Variants in PNCK observed in about 807,000 individuals in gnomAD.
The protein encoded by PNCK is calcium/calmodulin-dependent protein kinase type 1B.
Under a neutral mutation model 28.3 loss-of-function variants are expected in PNCK, and 21 were observed. That is an observed-to-expected ratio of 0.74 (90% CI 0.53 to 1.07). PNCK has a LOEUF of 1.07. PNCK is among the 50% of genes least tolerant of loss of function. The pLI, the probability that PNCK is intolerant of heterozygous loss-of-function variation, is 0.00. For synonymous variants in PNCK, 136 were observed against 125.2 expected (o/e 1.09, Z -0.58); for missense variants, 250 against 298.3 (o/e 0.84, Z 1.19).
At chrX:153,678,021 A>G (rs1278894423), upstream of PNCK, among the ~76,000 whole-genome samples, 3 of 105,017 alleles carry the variant, frequency 2.9e-5, no homozygotes, top group Non-Finnish European at 5.9e-5. Context: ...CATAACATCT[A>G]TAAACAGATA....
Position 153,672,158 on chromosome X carries a change from C to T in PNCK, c.243G>A (p.Glu81=). The change falls in exon 4 of 12, where the codon GAG becomes GAA. Residue 81 remains glutamate, a synonymous_variant. Coordinates refer to ENST00000340888, the MANE Select transcript of PNCK (RefSeq NM_001366977.1). ...PNIVALEDVH[E]SPSHLYLAME... ...TGGCCAGGTAGAGGTGGGAAGGGCT[C>T]TCGTGGACATCCTCCAGAGCGACGA... is the stretch of plus-strand genomic sequence containing the variant. 8.3e-7 allele frequency: 1 copy of T among 1,206,578 alleles called. No homozygotes were observed. Among genetic ancestry groups the T allele is most frequent in the Non-Finnish European group, 1.1e-6 (1 of 892,920 alleles).
At chrX:153,674,421 T>G, upstream of PNCK, 3 of 292,367 alleles carry the variant, frequency 1.0e-5, no homozygotes, top group East Asian at 5.3e-5. Context: ...CCTCCACCTC[T>G]TCCCCGGCCA....
At chrX:153,680,261 G>A (rs782591862) in intron 1 of PNCK, among the ~76,000 whole-genome samples, 2 of 106,916 alleles carry the variant, frequency 1.9e-5, no homozygotes, top group Admixed American at 1.0e-4. Context: ...GGGTCATGGC[G>A]GTGGATCCCT....
upstream of PNCK, chrX:153,674,161 G>A (rs782011105): frequency 1.8e-5 from 22 of 1,206,215 alleles, no homozygotes; most frequent in Admixed American, 1.3e-4. Context: ...CCACTTGCCC[G>A]AAAGCAGCCT....
rs1281101901 is a variant in PNCK at position 153,673,068 on chromosome X, C to G, written c.9G>C (p.Leu3=). The part of the protein sequence containing the change: ML[L]LKKHTEDISS... ...TGATGTCCTCCGTGTGTTTCTTCAG[C>G]AGCAGCATGTCTGCAGGGGCAGGGG... The change falls in exon 2 of 12, where the codon CTG becomes CTC. Residue 3 remains leucine, a synonymous_variant. Coordinates refer to ENST00000340888, the MANE Select transcript of PNCK (RefSeq NM_001366977.1). 2.5e-6 allele frequency: 3 copies of G among 1,194,267 alleles called. No individual in the cohort carries two copies. The highest frequency in any genetic ancestry group is 3.4e-6 in the Non-Finnish European group (3 of 885,091).
chrX:153,670,942 C>T lies in PNCK; in HGVS notation c.782G>A (p.Cys261Tyr), dbSNP rs1557039537. ...CCAAAGGTGCCGCAAGGCCTGTTGG[C>T]AGGTGAACCTCTTCTGGGGGTCTCG... ...LERDPQKRFT[C>Y]QQALRHLWIS... Residue 261 changes from cysteine (C) to tyrosine (Y), a missense_variant, in exon 9 of 12, where the codon TGC (cysteine) becomes TAC (tyrosine). Cys to Tyr is a radical substitution (Grantham distance 194, BLOSUM62 -2). Transcript: ENST00000340888. 2 of 1,210,909 alleles carry T rather than the reference C, an allele frequency of 1.7e-6. No individual in the cohort carries two copies. The highest frequency in any genetic ancestry group is 2.2e-6 in the Non-Finnish European group (2 of 895,360).
At chrX:153,679,679 C>G (rs1557042218), upstream of PNCK, among the ~76,000 whole-genome samples, 1 of 101,272 alleles carries the variant, frequency 9.9e-6, no homozygotes, top group African/African-American at 3.7e-5. Context: ...TCAAGCGATT[C>G]TCCTGCCTCA....
upstream of PNCK, among the ~76,000 whole-genome samples, chrX:153,677,923 C>T (rs2091378107): frequency 9.5e-6 from 1 of 105,654 alleles, no homozygotes; most frequent in South Asian, 4.1e-4. Context: ...TATATATATA[C>T]ACTAACCCAT....
intron 1 of PNCK, among the ~76,000 whole-genome samples, chrX:153,684,507 T>A (rs2091408812): frequency 9.3e-6 from 1 of 106,961 alleles, no homozygotes; most frequent in Non-Finnish European, 1.9e-5. Context: ...GTTCTCCGCT[T>A]GGCTGCAGCC....
chrX:153,677,818 A>ATATATAGTG (rs1380011865), upstream of PNCK, among the ~76,000 whole-genome samples: 1 of 105,513 alleles, frequency 9.5e-6, no homozygotes, highest in East Asian at 2.9e-4. Flanking sequence ...GTGTATGTAT[A>ATATATAGTG]TATATAGTGT....
Position 153,686,785 on chromosome X carries a change from C to G in PNCK, c.-3+646G>C, listed in dbSNP as rs782149430. 3 of 112,557 alleles carry G rather than the reference C, an allele frequency of 2.7e-5. No individual in the cohort carries two copies. The East Asian group carries it at 8.4e-4, about 32-fold the overall frequency. 9.3% of individuals were successfully genotyped at this position (112,557 alleles called of 1,213,427 possible). On this transcript the variant is annotated intron_variant, in intron 1 of 3. Coordinates refer to the PNCK transcript ENST00000419804. ...AGGTGACACCGCCTGTCTCCCCCAA[C>G]CACACACACCCCTTGAGGCTCCTCC... is the stretch of plus-strand genomic sequence containing the variant.
chrX:153,683,698 A>G (rs1284749103), intron 1 of PNCK, among the ~76,000 whole-genome samples: 1 of 111,447 alleles, frequency 9.0e-6, no homozygotes, highest in East Asian at 2.8e-4. Flanking sequence ...CCAGCCCGAA[A>G]GCTAGGATTT....
intron 1 of PNCK, among the ~76,000 whole-genome samples, chrX:153,684,113 C>T (rs987512622): frequency 1.8e-5 from 2 of 111,906 alleles, no homozygotes; most frequent in South Asian, 3.8e-4. Flanking sequence ...AAACTATAAA[C>T]GAAATTTCTC....
intron 1 of PNCK, among the ~76,000 whole-genome samples, chrX:153,682,394 C>T (rs59500887): frequency 0.035 from 3,952 of 111,647 alleles, 172 homozygotes; most frequent in African/African-American, 0.12. Context: ...GATCCTCTTG[C>T]CTCAGCCTCC....
chrX:153,670,348 G>A lies in PNCK; in HGVS notation c.*7+102C>T, dbSNP rs1165271793. The A allele has an allele frequency of 8.1e-6, 9 of 1,110,921 alleles. No individual in the cohort carries two copies. In the African/African-American group the frequency reaches 1.6e-4, roughly 20 times the overall value. The allele number at this position is 1,110,921 out of a possible 1,213,427, so 91.6% of individuals were successfully genotyped here. ...CTCTCTGCCTTCAGTCCTCTGGCCT[G>A]TGGGGGCCACCCCACTTAGCTCTTG... On this transcript the variant is annotated intron_variant, in intron 11 of 11. Transcript: ENST00000340888.
rs782170924 is a variant in PNCK, at chrX:153,672,981, AC to A, written c.68+27del. 1.1e-3 allele frequency: 1,248 copies of A among 1,135,644 alleles called. 4 individuals are homozygous for A. The African/African-American group carries it at 0.023, about 21-fold the overall frequency. 93.6% of individuals were successfully genotyped at this position (1,135,644 alleles called of 1,213,427 possible). On this transcript the variant is annotated intron_variant, in intron 2 of 11. Coordinates refer to ENST00000340888, the MANE Select transcript of PNCK (RefSeq NM_001366977.1). ...CACACACACACACACACACACACACACGATCACACACGCGCGCGCACACTCA... is the reference window on the plus strand; with the variant it reads ...CACACACACACACACACACACACACAGATCACACACGCGCGCGCACACTCA...
Position 153,673,801 on chromosome X carries a change from C to T in PNCK, c.-24G>A. On this transcript the variant is annotated 5_prime_UTR_variant, in exon 1 of 12. Coordinates refer to ENST00000340888, the MANE Select transcript of PNCK (RefSeq NM_001366977.1). ...AGACCTGGAGCGGGTGCCGCAGCGT[C>T]GTGCCGCGCAGTGGCCGCAGCGCCA... 6.7e-6 allele frequency: 5 copies of T among 750,689 alleles called. No homozygotes were observed. The highest frequency in any genetic ancestry group is 2.3e-5 in the African/African-American group (1 of 43,495). The allele number at this position is 750,689 out of a possible 1,213,427, so 61.9% of individuals were successfully genotyped here.
At position 153,669,987 on chromosome X, in the gene PNCK, A is replaced by G; in HGVS notation, c.*151T>C. On this transcript the variant is annotated 3_prime_UTR_variant, in exon 12 of 12. Transcript: ENST00000340888. ...CTGGGGACAGACTTGGGGGTGCCCC[A>G]TTCCAACCCCAGCGCCATGCGCCAC... 1 of 310,912 alleles carries G rather than the reference A, an allele frequency of 3.2e-6. No individual in the cohort carries two copies. Among genetic ancestry groups the G allele is most frequent in the Admixed American group, 3.6e-5 (1 of 27,859 alleles). The allele number at this position is 310,912 out of a possible 1,213,427, so 25.6% of individuals were successfully genotyped here. A position where few individuals can be genotyped will look rare whatever the true frequency, so the allele number is the denominator to read the frequency against.
chrX:153,671,687 C>T lies in PNCK; in HGVS notation c.415-15G>A. 8.5e-7 allele frequency: 1 copy of T among 1,179,660 alleles called. No individual in the cohort carries two copies. On this transcript the variant is annotated splice_polypyrimidine_tract_variant and intron_variant, in intron 5 of 11. Coordinates refer to ENST00000340888, the MANE Select transcript of PNCK (RefSeq NM_001366977.1). ...AGGTTTTCGGGCTGTGACACACGGA[C>T]ACCGGGAAAAGGGCCAGTCAGTCCT...
Sources: gnomAD v4.1 joint callset for allele counts (sites outside exome capture counted in the v4.1 genomes callset) on GRCh38, gnomAD v4.1.1 for gene constraint, MANE v1.5 for transcripts, NCBI Gene and HGNC (gene_info 2026-07-23, HGNC 2026-07-21) for gene names.